CFB: variants seen among roughly 807,000 people sequenced by gnomAD.
The protein encoded by CFB is complement factor B.
A neutral mutation model predicts 97.2 loss-of-function variants in CFB; 59 were observed. The ratio of observed to expected loss-of-function variants is 0.61; its 90% CI spans 0.49 to 0.75. The LOEUF (loss-of-function observed/expected upper bound fraction) is 0.75, where lower values mean the gene tolerates loss of function less well. CFB is among the 30% of genes least tolerant of loss of function. The pLI is 0.00. For missense variants in CFB, 771 were observed against 959.8 expected (o/e 0.80, Z 2.60); for synonymous variants, 316 against 351.7 (o/e 0.90, Z 1.14).
rs1405269753 is a variant in CFB, at chr6:31,951,855, G to C, written c.2140-20G>C. 3 of 1,613,126 alleles carry C rather than the reference G, an allele frequency of 1.9e-6. No homozygotes were observed. The highest frequency in any genetic ancestry group is 2.5e-6 in the Non-Finnish European group (3 of 1,180,030). ...TAGGAATTCTACTGAATGATCCATGGCACCCCACTGCCTCTGCAGGTTGGT... is the reference window on the plus strand; with the variant it reads ...TAGGAATTCTACTGAATGATCCATGCCACCCCACTGCCTCTGCAGGTTGGT... On this transcript the variant is annotated intron_variant, in intron 17 of 17. Transcript: ENST00000425368. The surrounding 1 kb of genome is among the most constrained non-coding windows in gnomAD (Gnocchi z 4.3).
chr6:31,947,580 T>C lies in CFB; in HGVS notation c.658+59T>C. ...TGGTCTTCCATCCTACTGTCTTCTC[T>C]CCCCACCTCAACCCTGCTCTTTCCT... On this transcript the variant is annotated intron_variant, in intron 4 of 17. Coordinates refer to ENST00000425368, the MANE Select transcript of CFB (RefSeq NM_001710.6). The surrounding 1 kb of genome is among the most constrained non-coding windows in gnomAD (Gnocchi z 5.3). 1.9e-6 allele frequency: 3 copies of C among 1,605,980 alleles called. No individual in the cohort carries two copies. The highest frequency in any genetic ancestry group is 1.7e-4 in the Middle Eastern group (1 of 5,900).
chr6:31,949,739 C>T (rs902340233), intron 10 of CFB, 182 bp downstream of exon 10: 16 of 804,180 alleles, frequency 2.0e-5, no homozygotes, highest in Middle Eastern at 3.0e-4. Context: ...TCACAGAGCT[C>T]TGAGCACTTC....
At position 31,951,491 on chromosome 6, in the gene CFB, G is replaced by C; in HGVS notation, c.2089+18G>C. 6.2e-7 allele frequency: 1 copy of C among 1,614,178 alleles called. No individual in the cohort carries two copies. The highest frequency in any genetic ancestry group is 1.3e-5 in the African/African-American group (1 of 75,024). On this transcript the variant is annotated intron_variant, in intron 16 of 17. Coordinates refer to ENST00000425368, the MANE Select transcript of CFB (RefSeq NM_001710.6). The surrounding 1 kb of genome is among the most constrained non-coding windows in gnomAD (Gnocchi z 4.3). ...TTGCAGAGGTGAGAGAATGCTCTTT[G>C]GTTGTGCTACAAGTGCCCAAGGCCC...
In CFB at chr6:31,950,889, C is replaced by T. The variant is rs750651198; in HGVS notation, c.1800C>T (p.Thr600=). 1.9e-5 allele frequency: 31 copies of T among 1,612,804 alleles called. No homozygotes were observed. The highest frequency in any genetic ancestry group is 8.0e-5 in the African/African-American group (6 of 74,866). The change falls in exon 14 of 18, where the codon ACC becomes ACT. Residue 600 remains threonine (T), a synonymous_variant. Coordinates refer to ENST00000425368, the MANE Select transcript of CFB (RefSeq NM_001710.6). ...ATAGGCCCATTTGTCTCCCCTGCACCGAGGGAACAACTCGAGCTTTGAGGC... is the reference window on the plus strand; with the variant it reads ...ATAGGCCCATTTGTCTCCCCTGCACTGAGGGAACAACTCGAGCTTTGAGGC... ...QTIRPICLPC[T]EGTTRALRLP...
At chr6:31,950,201 AT>A (rs1771662040) in intron 11 of CFB, 54 bp downstream of exon 11, 15 of 1,607,232 alleles carry the variant, frequency 9.3e-6, no homozygotes, top group African/African-American at 1.3e-5. Context: ...TCAAGGTGAA[AT>A]GGGAGTAGGG....
In CFB at chr6:31,949,496, G is replaced by C; in HGVS notation, c.1347G>C (p.Glu449Asp). The change falls in exon 10 of 18, where the codon GAG becomes GAC. Residue 449 changes from glutamate to aspartate, a missense_variant. Glu to Asp is a conservative substitution (Grantham distance 45, BLOSUM62 2). Transcript: ENST00000425368. ...INALASKKDN[E>D]QHVFKVKDME... ...CTTTGGCTTCCAAGAAAGACAATGA[G>C]CAACATGTGTTCAAAGTCAAGGATA... The C allele has an allele frequency of 1.9e-6, 3 of 1,613,916 alleles. No homozygotes were observed. Among genetic ancestry groups the C allele is most frequent in the Non-Finnish European group, 2.5e-6 (3 of 1,180,036 alleles).
chr6:31,950,472 A>T, intron 12 of CFB, 69 bp downstream of exon 12: 1 of 1,564,096 alleles, frequency 6.4e-7, no homozygotes, highest in Non-Finnish European at 8.8e-7. Context: ...CTTTCTACAG[A>T]TCCTACACTC....
intron 6 of CFB, 126 bp downstream of exon 6, chr6:31,948,207 C>T (rs1354155909): frequency 1.3e-6 from 2 of 1,495,824 alleles, no homozygotes; most frequent in African/African-American, 1.4e-5. Flanking sequence ...CCTATTCTGT[C>T]CTCCTTCCCT....
Position 31,946,494 on chromosome 6 carries a change from T to C in CFB, c.186T>C (p.Cys62=). Residue 62 remains cysteine (C), a synonymous_variant, in exon 2 of 18, where the codon TGT becomes TGC. Transcript: ENST00000425368. The surrounding 1 kb of genome is among the most constrained non-coding windows in gnomAD (Gnocchi z 6.4). The part of the protein sequence containing the change: ...LQEGQALEYV[C]PSGFYPYPVQ... Reference sequence around the variant, plus strand: ...AGGGCCAGGCACTGGAGTACGTGTGTCCTTCTGGCTTCTACCCGTACCCTG... The same window carrying C: ...AGGGCCAGGCACTGGAGTACGTGTGCCCTTCTGGCTTCTACCCGTACCCTG... 6.2e-7 allele frequency: 1 copy of C among 1,613,074 alleles called. No homozygotes were observed. The highest frequency in any genetic ancestry group is 8.5e-7 in the Non-Finnish European group (1 of 1,180,038).
At position 31,951,083 on chromosome 6, in the gene CFB, A is replaced by C; in HGVS notation, c.1856-61A>C. On this transcript the variant is annotated intron_variant, in intron 14 of 17. Transcript: ENST00000425368. This position sits in a 1 kb window ranked among gnomAD's most constrained non-coding sequence, Gnocchi z 4.3. ...GCTTAGGGGACATCTACTGAGTGAC[A>C]AAGGCAATGGGGAGATGACAGTGGT... 1 of 1,592,210 alleles carries C rather than the reference A, an allele frequency of 6.3e-7. No homozygotes were observed. The highest frequency in any genetic ancestry group is 1.1e-5 in the South Asian group (1 of 90,520).
At chr6:31,949,180 T>C in intron 8 of CFB, 63 bp from the exon 9 acceptor site, 2 of 1,555,166 alleles carry the variant, frequency 1.3e-6, no homozygotes, top group East Asian at 2.2e-5. Flanking sequence ...GCCATGTGTA[T>C]CCCTGCCTTT....
chr6:31,946,309 CCTG>C lies in CFB; in HGVS notation c.64+28_64+30del. 1 of 1,613,038 alleles carries C rather than the reference CCTG, an allele frequency of 6.2e-7. No homozygotes were observed. Among genetic ancestry groups the C allele is most frequent in the South Asian group, 1.1e-5 (1 of 91,082 alleles). On this transcript the variant is annotated intron_variant, in intron 1 of 17. Coordinates refer to ENST00000425368, the MANE Select transcript of CFB (RefSeq NM_001710.6). The surrounding 1 kb of genome is among the most constrained non-coding windows in gnomAD (Gnocchi z 6.4). ...AGGTAAGCGAGGGTAACCTTCCCTT[CCTG>C]CTGTCTCCAGCATCCCTCCTTGGCC...
In CFB at chr6:31,951,936, T is replaced by C; in HGVS notation, c.2201T>C (p.Val734Ala). The C allele has an allele frequency of 6.2e-7, 1 of 1,613,114 alleles. No individual in the cohort carries two copies. Among genetic ancestry groups the C allele is most frequent in the Non-Finnish European group, 8.5e-7 (1 of 1,180,036 alleles). ...VCKNQKRQKQ[V>A]PAHARDFHIN... is the part of the protein sequence containing the mutation. ...AAAAACCAGAAGCGGCAAAAGCAGG[T>C]ACCTGCTCACGCCCGAGACTTTCAC... The change falls in exon 18 of 18, where the codon GTA (valine) becomes GCA (alanine). Residue 734 changes from valine (V) to alanine (A), a missense_variant. Val to Ala is a moderately conservative substitution (Grantham distance 64). Transcript: ENST00000425368. This position sits in a 1 kb window ranked among gnomAD's most constrained non-coding sequence, Gnocchi z 4.3.
At chr6:31,948,203 CTG>C in intron 6 of CFB, 122 bp downstream of exon 6, 1 of 1,500,576 alleles carries the variant, frequency 6.7e-7, no homozygotes, top group East Asian at 2.4e-5. Context: ...AGGTCCTATT[CTG>C]TCCTCCTTCC....
chr6:31,949,009 C>A (rs1562629148), intron 8 of CFB, 48 bp downstream of exon 8: 1 of 1,611,884 alleles, frequency 6.2e-7, no homozygotes, highest in South Asian at 1.1e-5. Context: ...CTTCTCAGAC[C>A]AGCATGTGGC....
In CFB at chr6:31,950,786, G is replaced by C; in HGVS notation, c.1778+14G>C. On this transcript the variant is annotated intron_variant, in intron 13 of 17. Coordinates refer to ENST00000425368, the MANE Select transcript of CFB (RefSeq NM_001710.6). ...CCAGACTATCAGGTGAGAGCGTCCA[G>C]ATCCCTGAGGAAAGGCTGGGAAAGG... 6.2e-7 allele frequency: 1 copy of C among 1,613,086 alleles called. No individual in the cohort carries two copies.
At chr6:31,949,152 C>A in intron 8 of CFB, 91 bp from the exon 9 acceptor site, 1 of 1,457,922 alleles carries the variant, frequency 6.9e-7, no homozygotes, top group Non-Finnish European at 9.5e-7. Flanking sequence ...TCTAACCCTT[C>A]CTCAACTTGC....
intron 11 of CFB, 27 bp from the exon 12 acceptor site, chr6:31,950,259 T>C (rs374743359): frequency 3.7e-6 from 6 of 1,609,140 alleles, no homozygotes; most frequent in African/African-American, 1.3e-5. Context: ...AAAGTTGAGC[T>C]TTCCCTCTCT....
intron 12 of CFB, 55 bp from the exon 13 acceptor site, chr6:31,950,564 G>A (rs766042818): frequency 3.7e-6 from 6 of 1,611,072 alleles, no homozygotes; most frequent in South Asian, 1.1e-5. Context: ...GAATGACACG[G>A]GGCCAGAGGC....
Sources: allele counts gnomAD v4.1 joint callset, GRCh38; gene constraint gnomAD v4.1.1; non-coding constraint Gnocchi (gnomAD v3.1); transcripts MANE v1.5; gene names NCBI Gene and HGNC (gene_info 2026-07-23, HGNC 2026-07-21).